Variants in DUXA observed in about 807,000 individuals in gnomAD.
DUXA encodes the protein double homeobox A.
A neutral mutation model predicts 27.5 loss-of-function variants in DUXA; 25 were observed. The ratio of observed to expected loss-of-function variants is 0.91; its 90% CI spans 0.66 to 1.27. DUXA has a LOEUF of 1.27. DUXA is among the 50% of genes most tolerant of loss of function. The pLI, the probability that DUXA is intolerant of heterozygous loss-of-function variation, is 0.00. For synonymous variants in DUXA, 90 were observed against 80.5 expected, an observed-to-expected ratio of 1.12 and a Z score of -0.63; for missense variants, 247 against 242.9, an observed-to-expected ratio of 1.02 and a Z score of -0.11.
intron 1 of DUXA, among the ~76,000 whole-genome samples, chr19:57,165,674 G>A (rs975769555): frequency 1.8e-4 from 28 of 151,620 alleles, no homozygotes; most frequent in African/African-American, 5.3e-4. Context: ...GCGTGGTGGC[G>A]GGCGTCTGTA....
rs1019522838 is a variant in DUXA at position 57,155,499 on chromosome 19, A to C, written c.439-127T>G. On this transcript the variant is annotated intron_variant, in intron 4 of 5. Coordinates refer to ENST00000554048, the MANE Select transcript of DUXA (RefSeq NM_001012729.2). ...TCTCTCTCAGAGTAGCTAGTGCCAC[A>C]GCTGTGCATCATCACCTTAGGCTAA... The C allele has an allele frequency of 2.0e-5, 14 of 698,046 alleles. No homozygotes were observed. The African/African-American group carries it at 2.5e-4, about 13-fold the overall frequency. The allele number at this position is 698,046 out of a possible 1,614,324, so 43.2% of individuals were successfully genotyped here.
intron 5 of DUXA, among the ~76,000 whole-genome samples, chr19:57,154,862 C>T (rs1028853741): frequency 6.6e-6 from 1 of 152,166 alleles, no homozygotes; most frequent in Non-Finnish European, 1.5e-5. Context: ...CATGCCCAGC[C>T]CCCACCTTTT....
At chr19:57,163,432 A>G (rs890635758) in intron 1 of DUXA, among the ~76,000 whole-genome samples, 2 of 137,578 alleles carry the variant, frequency 1.5e-5, no homozygotes. Context: ...TACAGGAAAG[A>G]GTCACATCCT....
intron 1 of DUXA, among the ~76,000 whole-genome samples, chr19:57,163,300 C>A (rs2087033859): frequency 6.6e-6 from 1 of 152,096 alleles, no homozygotes; most frequent in African/African-American, 2.4e-5. Context: ...CACTTTACCA[C>A]CATGCTTAGC....
At chr19:57,164,701 T>C (rs1024269680) in intron 1 of DUXA, among the ~76,000 whole-genome samples, 1 of 152,246 alleles carries the variant, frequency 6.6e-6, no homozygotes, top group Admixed American at 6.5e-5. Context: ...AGGCTAGTTT[T>C]ATGCTAGCAA....
At chr19:57,163,764 T>C (rs112190741) in intron 1 of DUXA, among the ~76,000 whole-genome samples, 3,948 of 152,294 alleles carry the variant, frequency 0.026, 169 homozygotes, top group African/African-American at 0.091. Context: ...AGTTGTCACA[T>C]GGAGTCTGAA....
chr19:57,162,095 A>T (rs2087027073), intron 1 of DUXA, among the ~76,000 whole-genome samples: 1 of 152,070 alleles, frequency 6.6e-6, no homozygotes, highest in Admixed American at 6.6e-5. Flanking sequence ...CACGTTGTCC[A>T]GGCTGGTCTC....
intron 1 of DUXA, 31 bp from the exon 2 acceptor site, chr19:57,160,828 T>C (rs1391248000): frequency 5.0e-6 from 8 of 1,610,380 alleles, no homozygotes; most frequent in African/African-American, 1.3e-5. Context: ...AAGAAGCATG[T>C]AATAGGTTAA....
intron 4 of DUXA, among the ~76,000 whole-genome samples, chr19:57,157,995 G>A (rs1475747189): frequency 3.4e-5 from 5 of 146,800 alleles, no homozygotes; most frequent in Non-Finnish European, 3.0e-5. Context: ...CCCCATCTCA[G>A]AAAAAAAAAA....
In DUXA at chr19:57,158,504, C is replaced by T. The variant is rs192299805; in HGVS notation, c.293-31G>A. On this transcript the variant is annotated intron_variant, in intron 3 of 5. Transcript: ENST00000554048. ...GAAGGCATGGAAAGATGGAGGGGGG[C>T]GGTCAAGGAATATTGCAAGGGTCCA... 19 of 1,605,394 alleles carry T rather than the reference C, an allele frequency of 1.2e-5. No homozygotes were observed. The Admixed American group carries it at 2.0e-4, about 17-fold the overall frequency.
At position 57,154,392 on chromosome 19, in the gene DUXA, T is replaced by G. The variant is rs758665739; in HGVS notation, c.*20A>C. ...TTGGGGTCCAGTTGATATTATCAAGTACACTGAATTTGACTGTGTTCACCA... is the reference window on the plus strand; with the variant it reads ...TTGGGGTCCAGTTGATATTATCAAGGACACTGAATTTGACTGTGTTCACCA... On this transcript the variant is annotated 3_prime_UTR_variant, in exon 6 of 6. Transcript: ENST00000554048. The G allele has an allele frequency of 1.2e-6, 2 of 1,609,120 alleles. No homozygotes were observed. The highest frequency in any genetic ancestry group is 1.7e-5 in the Admixed American group (1 of 59,946).
At chr19:57,157,204 G>C (rs1323608375) in intron 4 of DUXA, among the ~76,000 whole-genome samples, 1 of 152,156 alleles carries the variant, frequency 6.6e-6, no homozygotes, top group Non-Finnish European at 1.5e-5. Context: ...AGGGAGCACT[G>C]GTTTAAACGC....
At chr19:57,165,326 T>TATATATATAC (rs2087047680) in intron 1 of DUXA, among the ~76,000 whole-genome samples, 1 of 91,078 alleles carries the variant, frequency 1.1e-5, no homozygotes, top group Non-Finnish European at 2.5e-5. Flanking sequence ...AAAAAAAAAA[T>TATATATATAC]ATATATATAT....
intron 4 of DUXA, 44 bp from the exon 5 acceptor site, chr19:57,155,416 G>T (rs1441182814): frequency 7.0e-7 from 1 of 1,437,228 alleles, no homozygotes; most frequent in Non-Finnish European, 9.8e-7. Flanking sequence ...AAAGAATGTT[G>T]TGTAAAACTC....
At chr19:57,167,211 T>G (rs552744588) in intron 1 of DUXA, among the ~76,000 whole-genome samples, 25 of 152,324 alleles carry the variant, frequency 1.6e-4, no homozygotes, top group African/African-American at 5.8e-4. Flanking sequence ...TTCTTGAATA[T>G]CTGTACCTTT....
At chr19:57,158,506 G>C in intron 3 of DUXA, 33 bp from the exon 4 acceptor site, 2 of 1,606,140 alleles carry the variant, frequency 1.2e-6, no homozygotes, top group Non-Finnish European at 1.7e-6. Context: ...GAGGGGGGCG[G>C]TCAAGGAATA....
intron 2 of DUXA, among the ~76,000 whole-genome samples, 164 bp from the exon 3 acceptor site, chr19:57,159,442 CT>C (rs1349575668): frequency 6.6e-6 from 1 of 152,080 alleles, no homozygotes; most frequent in Non-Finnish European, 1.5e-5. Context: ...GAGATAGAGT[CT>C]CACTTTGTGG....
intron 4 of DUXA, among the ~76,000 whole-genome samples, chr19:57,155,650 T>TAGATAGATAGATAGATAGAC (rs2086989680): frequency 6.7e-6 from 1 of 148,258 alleles, no homozygotes; most frequent in South Asian, 2.1e-4. Context: ...CAACCCAAGA[T>TAGATAGATAGATAGATAGAC]AGATAGATAG....
Position 57,165,503 on chromosome 19 carries a change from G to A in DUXA, c.25+1916C>T, listed in dbSNP as rs139594093. On this transcript the variant is annotated intron_variant, in intron 1 of 5. Coordinates refer to ENST00000554048, the MANE Select transcript of DUXA (RefSeq NM_001012729.2). ...TTTCAAGTGTTAAAAAATTATTAACGCCTATTAAAAGCCAGACCCTGGCCG... is the reference window on the plus strand; with the variant it reads ...TTTCAAGTGTTAAAAAATTATTAACACCTATTAAAAGCCAGACCCTGGCCG... 8.2e-3 allele frequency among the ~76,000 whole-genome samples: 1,245 copies of A among 151,314 alleles called. 15 individuals carry two copies. The highest frequency in any genetic ancestry group is 0.022 in the African/African-American group (897 of 41,258).
Sources: gnomAD v4.1 joint callset for allele counts (sites outside exome capture counted in the v4.1 genomes callset) on GRCh38, gnomAD v4.1.1 for gene constraint, MANE v1.5 for transcripts, NCBI Gene and HGNC (gene_info 2026-07-23, HGNC 2026-07-21) for gene names.